Variants in MOB3B observed in about 807,000 individuals in gnomAD.
MOB3B encodes the protein MOB kinase activator 3B.
A neutral mutation model predicts 18.7 loss-of-function variants in MOB3B; 7 were observed. The observed-to-expected ratio is 0.37, with a 90% CI of 0.21 to 0.70. The LOEUF is 0.70. Ranked by LOEUF, MOB3B falls within the 30% of genes least tolerant of loss-of-function variation. MOB3B has a pLI of 0.52. For missense variants in MOB3B, 253 were observed against 281.3 expected (o/e 0.90, Z 0.72); for synonymous variants, 111 against 99.9 (o/e 1.11, Z -0.66).
intron 1 of MOB3B, chr9:27,524,930 C>T (rs1470771350): frequency 9.3e-6 from 15 of 1,605,762 alleles, no homozygotes; most frequent in East Asian, 6.7e-5. Context: ...ATTACTTTTA[C>T]AAATTTACAG....
At chr9:27,420,850 G>T (rs1354538909) in intron 2 of MOB3B, among the ~76,000 whole-genome samples, 1 of 151,734 alleles carries the variant, frequency 6.6e-6, no homozygotes, top group Non-Finnish European at 1.5e-5. Context: ...AGTGTATACT[G>T]CCCAGGTAAT....
intron 3 of MOB3B, among the ~76,000 whole-genome samples, chr9:27,355,583 G>A (rs966243992): frequency 4.2e-5 from 6 of 144,428 alleles, no homozygotes; most frequent in East Asian, 2.0e-4. Flanking sequence ...TTTTTGAGAC[G>A]GAGTCTCGCT....
chr9:27,355,748 G>A (rs1821180511), intron 3 of MOB3B, among the ~76,000 whole-genome samples: 1 of 151,910 alleles, frequency 6.6e-6, no homozygotes, highest in African/African-American at 2.4e-5. Context: ...ATTTTTCGTA[G>A]AGACGGGGTT....
chr9:27,350,443 C>A (rs1821088256), intron 3 of MOB3B, among the ~76,000 whole-genome samples: 1 of 151,984 alleles, frequency 6.6e-6, no homozygotes, highest in East Asian at 1.9e-4. Context: ...TATTTTAGGC[C>A]CTGAAACAAA....
chr9:27,420,548 CATATATAT>C (rs55684272), intron 2 of MOB3B, among the ~76,000 whole-genome samples: 3,155 of 30,976 alleles, frequency 0.1, 157 homozygotes, highest in Non-Finnish European at 0.11. Context: ...CTGTATATTC[CATATATAT>C]ATATATATAT....
intron 2 of MOB3B, among the ~76,000 whole-genome samples, chr9:27,362,252 A>C (rs1387729776): frequency 6.6e-6 from 1 of 152,132 alleles, no homozygotes; most frequent in East Asian, 1.9e-4. Flanking sequence ...AGTTTAAAAT[A>C]CTAACCTGAC....
intron 1 of MOB3B, among the ~76,000 whole-genome samples, chr9:27,459,014 C>G (rs983682984): frequency 2.6e-5 from 4 of 151,042 alleles, no homozygotes; most frequent in Admixed American, 6.6e-5. Flanking sequence ...CAGGTAGGCC[C>G]CCCCCCATGT....
At chr9:27,482,960 CTG>C (rs1285943598) in intron 1 of MOB3B, among the ~76,000 whole-genome samples, 1 of 152,120 alleles carries the variant, frequency 6.6e-6, no homozygotes, top group Non-Finnish European at 1.5e-5. Context: ...TCCTGCTAAC[CTG>C]TCTTATCCAC....
At chr9:27,389,241 G>A (rs1479117871) in intron 2 of MOB3B, among the ~76,000 whole-genome samples, 1 of 152,116 alleles carries the variant, frequency 6.6e-6, no homozygotes, top group Non-Finnish European at 1.5e-5. Flanking sequence ...AGAAACTCTG[G>A]GAGTGGGGCA....
chr9:27,464,624 A>C (rs1181706146), intron 1 of MOB3B, among the ~76,000 whole-genome samples: 3 of 152,232 alleles, frequency 2.0e-5, no homozygotes, highest in Non-Finnish European at 4.4e-5. Flanking sequence ...TAAACTGTTT[A>C]AAAAGTTATT....
At chr9:27,382,833 T>C (rs2084359167) in intron 2 of MOB3B, among the ~76,000 whole-genome samples, 1 of 152,028 alleles carries the variant, frequency 6.6e-6, no homozygotes, top group Non-Finnish European at 1.5e-5. Flanking sequence ...CCCTCTCCCC[T>C]ACCCAATCCA....
intron 2 of MOB3B, among the ~76,000 whole-genome samples, chr9:27,374,290 G>T (rs1321113975): frequency 6.6e-6 from 1 of 151,356 alleles, no homozygotes; most frequent in Admixed American, 6.6e-5. Context: ...AGGTGGTGAA[G>T]CTGGATTTAA....
chr9:27,492,181 A>T (rs1198981414), intron 1 of MOB3B, among the ~76,000 whole-genome samples: 9 of 152,180 alleles, frequency 5.9e-5, no homozygotes, highest in Admixed American at 6.5e-5. Flanking sequence ...AATATGAGCC[A>T]ATTTGTGGAT....
At chr9:27,476,420 C>T (rs1198535924) in intron 1 of MOB3B, among the ~76,000 whole-genome samples, 1 of 152,132 alleles carries the variant, frequency 6.6e-6, no homozygotes, top group African/African-American at 2.4e-5. Flanking sequence ...CAATCTCTAC[C>T]TTCATCTTCA....
intron 1 of MOB3B, among the ~76,000 whole-genome samples, chr9:27,468,817 T>G (rs894117596): frequency 6.6e-6 from 1 of 152,150 alleles, no homozygotes; most frequent in African/African-American, 2.4e-5. Flanking sequence ...AATGAGACAA[T>G]GGACAAAAGG....
At chr9:27,524,209 A>T in intron 1 of MOB3B, 1 of 885,234 alleles carries the variant, frequency 1.1e-6, no homozygotes, top group Non-Finnish European at 1.6e-6. Flanking sequence ...AACCTTGGTT[A>T]ACTGTGAAAT....
chr9:27,394,346 T>C (rs1432071653), intron 2 of MOB3B: 3 of 152,078 alleles, frequency 2.0e-5, no homozygotes, highest in African/African-American at 4.8e-5. Context: ...CACCAAGAGC[T>C]AATAAAACAT....
intron 1 of MOB3B, among the ~76,000 whole-genome samples, chr9:27,517,647 CAAAAAAAAA>C (rs756559270): frequency 3.1e-4 from 17 of 54,272 alleles, no homozygotes; most frequent in African/African-American, 1.2e-3. Context: ...GACTCTGTCT[CAAAAAAAAA>C]AAAAAAAAAA....
intron 1 of MOB3B, among the ~76,000 whole-genome samples, chr9:27,476,940 C>G (rs1819562494): frequency 6.6e-6 from 1 of 152,116 alleles, no homozygotes; most frequent in South Asian, 2.1e-4. Flanking sequence ...CCAAGAGATC[C>G]AGGCTCTCTT....
Sources: allele counts gnomAD v4.1 joint callset (sites outside exome capture counted in the v4.1 genomes callset), GRCh38; gene constraint gnomAD v4.1.1; transcripts MANE v1.5; gene names NCBI Gene and HGNC (gene_info 2026-07-23, HGNC 2026-07-21).